Variants in SPAG16 observed in about 807,000 individuals in gnomAD.
The protein encoded by SPAG16 is sperm associated antigen 16.
Under a neutral mutation model 80.4 loss-of-function variants are expected in SPAG16, and 86 were observed. The ratio of observed to expected loss-of-function variants is 1.07; its 90% CI spans 0.90 to 1.28. SPAG16 has a LOEUF of 1.28. Ranked by LOEUF, SPAG16 falls within the 50% of genes most tolerant of loss-of-function variation. The pLI, the probability that SPAG16 is intolerant of heterozygous loss-of-function variation, is 0.00. For missense variants in SPAG16, 870 were observed against 765.3 expected, an observed-to-expected ratio of 1.14 and a Z score of -1.61; for synonymous variants, 294 against 265.9, an observed-to-expected ratio of 1.11 and a Z score of -1.03.
intron 10 of SPAG16, among the ~76,000 whole-genome samples, chr2:213,642,690 G>A (rs1454318452): frequency 4.9e-5 from 3 of 60,960 alleles, no homozygotes; most frequent in South Asian, 8.2e-4. Context: ...GCGTAGTGGC[G>A]GGCGCCTGTA....
intron 9 of SPAG16, among the ~76,000 whole-genome samples, chr2:213,375,639 A>C (rs778756229): frequency 2.0e-5 from 3 of 152,114 alleles, no homozygotes; most frequent in Non-Finnish European, 4.4e-5. Flanking sequence ...AAGAGATCAA[A>C]AATGAAGAAA....
intron 10 of SPAG16, among the ~76,000 whole-genome samples, chr2:213,738,926 C>G (rs1207296312): frequency 6.6e-6 from 1 of 152,168 alleles, no homozygotes; most frequent in East Asian, 1.9e-4. Flanking sequence ...CAGGTAGCCA[C>G]GTTACAGAGA....
intron 3 of SPAG16, among the ~76,000 whole-genome samples, chr2:213,297,574 GACTTTGT>G (rs1362336193): frequency 6.7e-6 from 1 of 148,342 alleles, no homozygotes; most frequent in East Asian, 1.9e-4. Context: ...ACTCTTGCAT[GACTTTGT>G]ATCAAGTGAC....
chr2:214,117,915 G>A (rs1236277753), intron 14 of SPAG16, among the ~76,000 whole-genome samples: 2 of 152,280 alleles, frequency 1.3e-5, no homozygotes, highest in East Asian at 3.9e-4. Flanking sequence ...GGGAAAAGCT[G>A]AAAGTTTTTC....
intron 8 of SPAG16, among the ~76,000 whole-genome samples, chr2:213,373,337 A>G (rs2066735343): frequency 6.6e-6 from 1 of 152,118 alleles, no homozygotes; most frequent in African/African-American, 2.4e-5. Context: ...TGGAAATCAT[A>G]TTTATTCTCG....
At chr2:213,989,526 A>G (rs1302339445) in intron 12 of SPAG16, among the ~76,000 whole-genome samples, 1 of 152,064 alleles carries the variant, frequency 6.6e-6, no homozygotes, top group Non-Finnish European at 1.5e-5. Flanking sequence ...TGCCCTTACT[A>G]AAAATACCTA....
At chr2:213,824,237 A>G (rs971689249) in intron 10 of SPAG16, among the ~76,000 whole-genome samples, 27 of 152,038 alleles carry the variant, frequency 1.8e-4, no homozygotes, top group Non-Finnish European at 1.5e-4. Context: ...GTGTGGTGTT[A>G]TTTCTGAGGT....
chr2:213,799,322 CTGGAATCTATTG>C (rs2071238406), intron 10 of SPAG16, among the ~76,000 whole-genome samples: 2 of 151,984 alleles, frequency 1.3e-5, no homozygotes, highest in South Asian at 4.1e-4. Context: ...TTTTATTCTT[CTGGAATCTATTG>C]TGGATGGAAT....
At chr2:214,246,569 A>C (rs978416649) in intron 15 of SPAG16, among the ~76,000 whole-genome samples, 5 of 152,086 alleles carry the variant, frequency 3.3e-5, no homozygotes, top group African/African-American at 1.2e-4. Context: ...ACTGTGCTGC[A>C]AAGAAGCCCA....
intron 10 of SPAG16, among the ~76,000 whole-genome samples, chr2:213,578,434 T>G (rs1340520447): frequency 1.1e-4 from 17 of 152,128 alleles, no homozygotes. Context: ...AAAAATAAAC[T>G]TTGTATTAAG....
At chr2:213,359,065 G>T (rs908788032) in intron 7 of SPAG16, among the ~76,000 whole-genome samples, 1 of 152,204 alleles carries the variant, frequency 6.6e-6, no homozygotes, top group Non-Finnish European at 1.5e-5. Flanking sequence ...GACCCTGTTT[G>T]CCTCGCTATC....
At chr2:214,252,719 A>G (rs940643770) in intron 15 of SPAG16, among the ~76,000 whole-genome samples, 2 of 152,070 alleles carry the variant, frequency 1.3e-5, no homozygotes, top group South Asian at 4.1e-4. Flanking sequence ...GGTTGGTTCC[A>G]AGTCTTTGCT....
At chr2:214,375,904 T>C (rs978114607) in intron 15 of SPAG16, among the ~76,000 whole-genome samples, 3 of 152,174 alleles carry the variant, frequency 2.0e-5, no homozygotes, top group Non-Finnish European at 4.4e-5. Flanking sequence ...TTAACATTTC[T>C]ACAATTGGAA....
intron 11 of SPAG16, among the ~76,000 whole-genome samples, chr2:213,864,551 A>G (rs150815294): frequency 2.6e-4 from 39 of 152,202 alleles, no homozygotes; most frequent in African/African-American, 8.7e-4. Flanking sequence ...GTATATACTA[A>G]CATTTACTGT....
chr2:213,754,649 A>C (rs1043725048), intron 10 of SPAG16, among the ~76,000 whole-genome samples: 2 of 135,730 alleles, frequency 1.5e-5, no homozygotes, highest in African/African-American at 5.3e-5. Context: ...TTTTAAAATA[A>C]ATATGAAACC....
chr2:214,327,057 G>C (rs558413018), intron 15 of SPAG16, among the ~76,000 whole-genome samples: 3 of 148,976 alleles, frequency 2.0e-5, no homozygotes, highest in Admixed American at 6.7e-5. Flanking sequence ...ATCCACAGAA[G>C]ACAAAATGTT....
intron 10 of SPAG16, among the ~76,000 whole-genome samples, chr2:213,764,048 A>C (rs1293059430): frequency 6.6e-6 from 1 of 152,222 alleles, no homozygotes; most frequent in Non-Finnish European, 1.5e-5. Flanking sequence ...TGAATCTCTA[A>C]GATACCCTCA....
chr2:213,469,887 T>C (rs1014178044), intron 9 of SPAG16, among the ~76,000 whole-genome samples: 1 of 152,148 alleles, frequency 6.6e-6, no homozygotes, highest in African/African-American at 2.4e-5. Flanking sequence ...CAGGTGGCAA[T>C]CTTAACATCC....
At chr2:213,402,576 C>A (rs138783233) in intron 9 of SPAG16, among the ~76,000 whole-genome samples, 11,203 of 150,778 alleles carry the variant, frequency 0.074, 1,391 homozygotes, top group African/African-American at 0.26. Flanking sequence ...TCCCTCCCCC[C>A]TCCCCACACC....
Sources: allele counts gnomAD v4.1 joint callset (sites outside exome capture counted in the v4.1 genomes callset), GRCh38; gene constraint gnomAD v4.1.1; transcripts MANE v1.5; gene names NCBI Gene and HGNC (gene_info 2026-07-23, HGNC 2026-07-21).